The following SLC2A13 variants were observed in gnomAD, a reference collection of about 807,000 sequenced individuals.
The protein encoded by SLC2A13 is proton myo-inositol cotransporter.
Under a neutral mutation model 64.4 loss-of-function variants are expected in SLC2A13, and 32 were observed. The ratio of observed to expected loss-of-function variants is 0.50; its 90% confidence interval spans 0.37 to 0.67. The LOEUF is 0.67. Among genes scored for constraint, SLC2A13 ranks in the 30% least tolerant of loss-of-function variants. The pLI, the probability that SLC2A13 is intolerant of heterozygous loss-of-function variation, is 0.00. For synonymous variants in SLC2A13, 338 were observed against 327.1 expected (o/e 1.03, Z -0.36); for missense variants, 743 against 829.2 (o/e 0.90, Z 1.28).
intron 7 of SLC2A13, among the ~76,000 whole-genome samples, chr12:39,811,185 A>C (rs1942146095): frequency 6.6e-6 from 1 of 152,078 alleles, no homozygotes; most frequent in Non-Finnish European, 1.5e-5. Context: ...AATAATAGAA[A>C]GTTGGGTCTC....
At chr12:39,896,487 T>C (rs1042575256) in intron 4 of SLC2A13, among the ~76,000 whole-genome samples, 4 of 147,744 alleles carry the variant, frequency 2.7e-5, no homozygotes, top group South Asian at 2.1e-4. Context: ...TATGTGTATA[T>C]ATGTACACAT....
rs535753650 is a variant in SLC2A13 at position 39,915,390 on chromosome 12, G to A, written c.1034+35867C>T. On this transcript the variant is annotated intron_variant, in intron 4 of 9. Coordinates refer to ENST00000280871, the MANE Select transcript of SLC2A13 (RefSeq NM_052885.4). ...TTAAACGAAGCAATGTCAAGAGCAC[G>A]GTTTAACTGGGTAGACAATAATGAT... Among the ~76,000 whole-genome samples the A allele has an allele frequency of 8.7e-4, 132 of 152,020 alleles. 2 individuals are homozygous for A. Among genetic ancestry groups the A allele is most frequent in the African/African-American group, 2.7e-3 (113 of 41,438 alleles).
chr12:39,824,617 T>C (rs1046083999), intron 7 of SLC2A13, among the ~76,000 whole-genome samples: 1 of 152,116 alleles, frequency 6.6e-6, no homozygotes, highest in African/African-American at 2.4e-5. Context: ...CTCCTGGAAA[T>C]CTCCAGGCCA....
At chr12:40,052,733 G>T (rs2136242062) in intron 1 of SLC2A13, among the ~76,000 whole-genome samples, 1 of 152,136 alleles carries the variant, frequency 6.6e-6, no homozygotes, top group South Asian at 2.1e-4. Flanking sequence ...TAGGGCTTGG[G>T]AGTTACACAA....
chr12:39,826,989 C>T (rs1298677477), intron 7 of SLC2A13, among the ~76,000 whole-genome samples: 2 of 142,738 alleles, frequency 1.4e-5, no homozygotes, highest in African/African-American at 5.1e-5. Context: ...TGTGGTTTTA[C>T]CATTACTTTT....
intron 6 of SLC2A13, among the ~76,000 whole-genome samples, chr12:39,861,708 A>G (rs570484544): frequency 2.2e-4 from 33 of 152,324 alleles, no homozygotes; most frequent in African/African-American, 7.0e-4. Context: ...ATAAAGATAT[A>G]TGATTCAGAT....
chr12:39,896,083 C>CCT lies in SLC2A13; in HGVS notation c.1035-24123_1035-24122insAG, dbSNP rs1555127354. ...GCATACATATATGTATACACGTGTA[C>CCT]ATATATGTATACACGTGTATACATA... On this transcript the variant is annotated intron_variant, in intron 4 of 9. Transcript: ENST00000280871. 4.7e-4 allele frequency among the ~76,000 whole-genome samples: 68 copies of CCT among 145,118 alleles called. 3 individuals carry two copies. Among genetic ancestry groups the CCT allele is most frequent in the Middle Eastern group, 5.3e-3 (1 of 188 alleles).
intron 3 of SLC2A13, among the ~76,000 whole-genome samples, chr12:39,976,745 G>A (rs1021792026): frequency 3.9e-5 from 6 of 152,036 alleles, no homozygotes; most frequent in Non-Finnish European, 8.8e-5. Flanking sequence ...TGTGTGTGGA[G>A]AACCAAACTG....
chr12:39,792,461 T>C (rs1941436358), intron 7 of SLC2A13, among the ~76,000 whole-genome samples: 2 of 152,182 alleles, frequency 1.3e-5, no homozygotes, highest in Non-Finnish European at 2.9e-5. Flanking sequence ...TTTCATACTA[T>C]GTCTTTGAAA....
rs970800489 is a variant in SLC2A13 at position 40,106,050 on chromosome 12, C to A, written c.-242G>T. On this transcript the variant is annotated 5_prime_UTR_variant, in exon 1 of 10. Transcript: ENST00000280871. Reference sequence around the variant, plus strand: ...CGGGTCTCACTCCACACTCACGCCCCGCGCCTGCCGAGCTGGCGCTGCGGA... The same window carrying A: ...CGGGTCTCACTCCACACTCACGCCCAGCGCCTGCCGAGCTGGCGCTGCGGA... 6 of 371,342 alleles carry A rather than the reference C, an allele frequency of 1.6e-5. No homozygotes were observed. Among genetic ancestry groups the A allele is most frequent in the Admixed American group, 4.8e-5 (1 of 20,894 alleles). 23.0% of individuals were successfully genotyped at this position (371,342 alleles called of 1,614,324 possible).
At chr12:39,796,357 A>T (rs1941575361) in intron 7 of SLC2A13, among the ~76,000 whole-genome samples, 1 of 150,956 alleles carries the variant, frequency 6.6e-6, no homozygotes, top group South Asian at 2.1e-4. Context: ...TGGTAGGCTG[A>T]ACCAGGAGGA....
intron 6 of SLC2A13, among the ~76,000 whole-genome samples, chr12:39,836,495 T>C (rs1043278842): frequency 2.0e-4 from 31 of 151,812 alleles, no homozygotes; most frequent in South Asian, 1.0e-3. Context: ...CCAGGGCAAT[T>C]AGGCAGGAGA....
Position 39,758,453 on chromosome 12 carries a change from G to C in SLC2A13, c.*1573C>G, listed in dbSNP as rs1226531083. On this transcript the variant is annotated 3_prime_UTR_variant, in exon 10 of 10. Transcript: ENST00000280871. ...AATACAGTACCTTATTAGATGTTTA[G>C]AGCCATTTAAAAATGCATCAAACTG... 6.6e-6 allele frequency: 1 copy of C among 151,826 alleles called. No individual in the cohort carries two copies. The highest frequency in any genetic ancestry group is 1.5e-5 in the Non-Finnish European group (1 of 67,768). The allele number at this position is 151,826 out of a possible 1,614,324, so 9.4% of individuals were successfully genotyped here.
chr12:40,038,977 T>A (rs1245089639), intron 2 of SLC2A13, among the ~76,000 whole-genome samples: 1 of 145,432 alleles, frequency 6.9e-6, no homozygotes, highest in African/African-American at 2.8e-5. Flanking sequence ...AATTTGCCCA[T>A]TTTTTTATTG....
Position 39,888,105 on chromosome 12 carries a change from T to C in SLC2A13, c.1035-16144A>G, listed in dbSNP as rs992971374. ...AATAAGCCATGGAGGATCCATGTGC[T>C]TCTGGAGAAGTAACAGTGCCATCTG... is the stretch of plus-strand genomic sequence containing the variant. On this transcript the variant is annotated intron_variant, in intron 4 of 9. Coordinates refer to ENST00000280871, the MANE Select transcript of SLC2A13 (RefSeq NM_052885.4). Among the ~76,000 whole-genome samples the C allele has an allele frequency of 5.9e-5, 9 of 152,372 alleles. No individual in the cohort carries two copies. In the South Asian group the frequency reaches 1.9e-3, roughly 32 times the overall value.
intron 7 of SLC2A13, among the ~76,000 whole-genome samples, chr12:39,783,834 G>A (rs533846593): frequency 1.0e-3 from 153 of 152,180 alleles, no homozygotes; most frequent in African/African-American, 3.3e-3. Context: ...CCCCATCGTC[G>A]CAGCCTAAAA....
At chr12:40,041,593 T>G (rs1458453884) in intron 2 of SLC2A13, among the ~76,000 whole-genome samples, 1 of 152,232 alleles carries the variant, frequency 6.6e-6, no homozygotes, top group Non-Finnish European at 1.5e-5. Flanking sequence ...GCACTTCTTA[T>G]CCATCTTTCC....
At chr12:39,977,095 G>T in intron 3 of SLC2A13, among the ~76,000 whole-genome samples, 1 of 152,112 alleles carries the variant, frequency 6.6e-6, no homozygotes, top group African/African-American at 2.4e-5. Flanking sequence ...AAGGATGAGG[G>T]GTTTGGAAAG....
chr12:39,987,730 C>A (rs1461588639), intron 3 of SLC2A13, among the ~76,000 whole-genome samples: 1 of 152,046 alleles, frequency 6.6e-6, no homozygotes, highest in East Asian at 1.9e-4. Flanking sequence ...TGTAATAAAG[C>A]ATCATCGGAT....
Sources: gnomAD v4.1 joint callset for allele counts (sites outside exome capture counted in the v4.1 genomes callset) on GRCh38, gnomAD v4.1.1 for gene constraint, MANE v1.5 for transcripts, NCBI Gene and HGNC (gene_info 2026-07-23, HGNC 2026-07-21) for gene names.